The following RLF variants were observed in gnomAD, a reference collection of about 807,000 sequenced individuals.
RLF encodes RLF zinc finger.
In RLF, 7 loss-of-function variants were observed where a neutral mutation model predicts 162.9. The ratio of observed to expected loss-of-function variants is 0.04; its 90% CI spans 0.02 to 0.08. RLF has a LOEUF of 0.08. RLF is among the 10% of genes least tolerant of loss of function. RLF has a pLI of 1.00. For synonymous variants in RLF, 782 were observed against 791.5 expected (o/e 0.99, Z 0.20); for missense variants, 1,664 against 2,244.7 (o/e 0.74, Z 5.23).
rs79507669 is a variant in RLF, at chr1:40,215,787, A to G, written c.811-6787A>G. The stretch of plus-strand genomic sequence containing the variant: ...GATGAATGATGAAACACAACATACC[A>G]ATATTTATGGAGGGAAATTTCTATT... On this transcript the variant is annotated intron_variant, in intron 5 of 7. Transcript: ENST00000372771. Among the ~76,000 whole-genome samples, 309 of 152,146 alleles carry G rather than the reference A, an allele frequency of 2.0e-3. 1 individual carries two copies. Among genetic ancestry groups the G allele is most frequent in the African/African-American group, 7.3e-3 (301 of 41,514 alleles).
In RLF at chr1:40,202,596, T is replaced by C; in HGVS notation, c.792T>C (p.Asn264=). ...YITCLCSMLP[N]EDAIKEIAKV... ...CATGTTTATGTTCTATGCTCCCTAA[T>C]GAAGATGCTATTAAGGAGGTGAGTA... The change falls in exon 5 of 8, where the codon AAT becomes AAC. Residue 264 remains asparagine (N), a synonymous_variant. Transcript: ENST00000372771. 2 of 1,534,906 alleles carry C rather than the reference T, an allele frequency of 1.3e-6. No individual in the cohort carries two copies. The highest frequency in any genetic ancestry group is 2.6e-5 in the South Asian group (2 of 75,770).
At chr1:40,221,763 G>T (rs1361783368) in intron 5 of RLF, among the ~76,000 whole-genome samples, 1 of 151,882 alleles carries the variant, frequency 6.6e-6, no homozygotes, top group Admixed American at 6.6e-5. Flanking sequence ...AGCTGGGCAC[G>T]GTGGTGGGCG....
chr1:40,200,859 T>A (rs1557748385), intron 4 of RLF, among the ~76,000 whole-genome samples: 2 of 126,194 alleles, frequency 1.6e-5, no homozygotes, highest in African/African-American at 3.0e-5. Flanking sequence ...TATAAACCAT[T>A]GCTACTCTAC....
Position 40,239,961 on chromosome 1 carries a change from T to A in RLF, c.5259T>A (p.His1753Gln), listed in dbSNP as rs769425404. 13 of 1,613,726 alleles carry A rather than the reference T, an allele frequency of 8.1e-6. No individual in the cohort carries two copies. The highest frequency in any genetic ancestry group is 1.0e-5 in the Non-Finnish European group (12 of 1,180,026). Residue 1753 changes from histidine to glutamine, a missense_variant, in exon 8 of 8, where the codon CAT becomes CAA. By Grantham distance (24) the His-to-Gln change is conservative. This residue lies in a region of RLF where 327 missense variants were observed against 342.7 expected (regional missense o/e 0.95). Transcript: ENST00000372771. Reference protein sequence around the residue: ...THVPKENFRKHSQPRSFDLKT... With the variant: ...THVPKENFRKQSQPRSFDLKT... ...TCCCAAAAGAGAATTTTAGGAAACA[T>A]TCACAGCCCCGGTCATTTGATTTGA...
chr1:40,171,741 A>G (rs907212356), intron 1 of RLF, among the ~76,000 whole-genome samples: 4 of 152,140 alleles, frequency 2.6e-5, no homozygotes, highest in Non-Finnish European at 5.9e-5. Context: ...TACATATAGA[A>G]TGTGTGTTTA....
At chr1:40,171,221 G>T (rs114653175) in intron 1 of RLF, among the ~76,000 whole-genome samples, 7,905 of 151,940 alleles carry the variant, frequency 0.052, 599 homozygotes, top group African/African-American at 0.17. Flanking sequence ...TAGAGACAGG[G>T]TCTCACTGTA....
rs1643244505 is a variant in RLF, at chr1:40,238,329, T to C, written c.3627T>C (p.Asn1209=). Residue 1209 remains asparagine, a synonymous_variant, in exon 8 of 8, where the codon AAT becomes AAC. Transcript: ENST00000372771. This position sits in a 1 kb window ranked among gnomAD's most constrained non-coding sequence, Gnocchi z 5.2. Reference sequence around the variant, plus strand: ...GAGCAACTCACAAACTATTAGATAATGAAAAGTGTGATCATGAAGGCCCAT... The same window carrying C: ...GAGCAACTCACAAACTATTAGATAACGAAAAGTGTGATCATGAAGGCCCAT... ...SDRATHKLLD[N]EKCDHEGPCS... The C allele has an allele frequency of 1.2e-6, 2 of 1,613,938 alleles. No individual in the cohort carries two copies. Among genetic ancestry groups the C allele is most frequent in the African/African-American group, 2.7e-5 (2 of 74,882 alleles).
intron 5 of RLF, among the ~76,000 whole-genome samples, chr1:40,210,686 A>G (rs1170977831): frequency 2.0e-5 from 3 of 152,330 alleles, no homozygotes; most frequent in African/African-American, 4.8e-5. Flanking sequence ...TGTAGCCAGC[A>G]AGAGGACAAA....
chr1:40,228,829 G>A (rs1045865871), intron 6 of RLF, among the ~76,000 whole-genome samples: 7 of 152,050 alleles, frequency 4.6e-5, no homozygotes, highest in African/African-American at 1.5e-4. Flanking sequence ...ATATTACTCT[G>A]TCACCCAGGC....
intron 5 of RLF, among the ~76,000 whole-genome samples, chr1:40,216,923 G>T (rs998490373): frequency 6.6e-6 from 1 of 151,844 alleles, no homozygotes; most frequent in African/African-American, 2.4e-5. Context: ...GTGGTGACAC[G>T]CACCTGTAAT....
At chr1:40,177,775 G>C (rs1642347162) in intron 1 of RLF, 1 of 152,040 alleles carries the variant, frequency 6.6e-6, no homozygotes, top group African/African-American at 2.4e-5. Context: ...TATATACGGT[G>C]TGAGGGATGG....
intron 5 of RLF, among the ~76,000 whole-genome samples, chr1:40,216,440 A>G (rs1642924856): frequency 1.3e-5 from 2 of 151,542 alleles, no homozygotes; most frequent in African/African-American, 4.8e-5. Context: ...GTGAGCTGAG[A>G]TTGTGCCATT....
chr1:40,228,562 G>A (rs2124557985), intron 6 of RLF, among the ~76,000 whole-genome samples: 2 of 149,526 alleles, frequency 1.3e-5, no homozygotes, highest in Admixed American at 1.3e-4. Flanking sequence ...CAGCCTGGGC[G>A]ACAGCGTGGA....
chr1:40,197,813 A>G (rs1642657371), intron 4 of RLF, among the ~76,000 whole-genome samples: 1 of 152,218 alleles, frequency 6.6e-6, no homozygotes, highest in African/African-American at 2.4e-5. Context: ...ATCTAATTTC[A>G]GGTCAAAAGA....
intron 1 of RLF, among the ~76,000 whole-genome samples, chr1:40,169,985 T>C (rs1570512820): frequency 6.6e-6 from 1 of 151,884 alleles, no homozygotes; most frequent in South Asian, 2.1e-4. Flanking sequence ...CCACCACACG[T>C]GGCCATGGGA....
intron 6 of RLF, among the ~76,000 whole-genome samples, chr1:40,224,578 CTTTTTTTTTT>C (rs59980316): frequency 2.2e-4 from 9 of 40,438 alleles, no homozygotes; most frequent in Non-Finnish European, 4.1e-4. Flanking sequence ...CTGGCCACAT[CTTTTTTTTTT>C]TTTTTTTTTT....
At chr1:40,227,964 C>T (rs2124557605) in intron 6 of RLF, among the ~76,000 whole-genome samples, 1 of 151,964 alleles carries the variant, frequency 6.6e-6, no homozygotes, top group South Asian at 2.1e-4. Flanking sequence ...TATCGCACCA[C>T]TGCACTCCAG....
At chr1:40,164,275 C>T (rs908030138) in intron 1 of RLF, among the ~76,000 whole-genome samples, 2 of 152,188 alleles carry the variant, frequency 1.3e-5, no homozygotes, top group African/African-American at 2.4e-5. Context: ...CCTTTTGCAA[C>T]ATCCTGGGAC....
At chr1:40,224,326 T>TTTTTA (rs1643034941) in intron 6 of RLF, among the ~76,000 whole-genome samples, 1 of 145,706 alleles carries the variant, frequency 6.9e-6, no homozygotes, top group African/African-American at 2.7e-5. Flanking sequence ...TTTTTTTTTT[T>TTTTTA]GAGACGAAGT....
Sources: gnomAD v4.1 joint callset for allele counts (sites outside exome capture counted in the v4.1 genomes callset) on GRCh38, gnomAD v4.1.1 for gene constraint, gnomAD v4.1.1 regional missense constraint, Gnocchi (gnomAD v3.1) non-coding constraint, MANE v1.5 for transcripts, NCBI Gene and HGNC (gene_info 2026-07-23, HGNC 2026-07-21) for gene names.